Variants in SAMSN1 observed in about 807,000 individuals in gnomAD.
SAMSN1 encodes SAM domain, SH3 domain and nuclear localization signals 1, also known as SAM domain-containing protein SAMSN-1.
A neutral mutation model predicts 42.0 loss-of-function variants in SAMSN1; 31 were observed. The ratio of observed to expected loss-of-function variants is 0.74; its 90% CI spans 0.55 to 1.00. The LOEUF is 1.00. SAMSN1 is among the 50% of genes least tolerant of loss of function. The pLI is 0.00. For missense variants in SAMSN1, 464 were observed against 439.4 expected (o/e 1.06, Z -0.50); for synonymous variants, 178 against 151.9 (o/e 1.17, Z -1.26).
intron 1 of SAMSN1, among the ~76,000 whole-genome samples, chr21:14,538,132 G>GT (rs1979752887): frequency 6.6e-6 from 1 of 152,092 alleles, no homozygotes; most frequent in African/African-American, 2.4e-5. Context: ...GTTTTGTTTT[G>GT]TTTTTGGAGC....
At chr21:14,601,776 C>G (rs1982438028) in intron 6 of SAMSN1, among the ~76,000 whole-genome samples, 1 of 152,140 alleles carries the variant, frequency 6.6e-6, no homozygotes, top group Non-Finnish European at 1.5e-5. Flanking sequence ...AGTTACTTAT[C>G]AAAAGGCTGT....
intron 2 of SAMSN1, among the ~76,000 whole-genome samples, chr21:14,579,223 C>T (rs1488119220): frequency 6.6e-6 from 1 of 152,200 alleles, no homozygotes; most frequent in Non-Finnish European, 1.5e-5. Flanking sequence ...AACCCTCTCT[C>T]CAAGTCCACT....
At chr21:14,566,250 AGTGTT>A (rs1448809281) in intron 2 of SAMSN1, among the ~76,000 whole-genome samples, 4 of 152,210 alleles carry the variant, frequency 2.6e-5, no homozygotes, top group Non-Finnish European at 5.9e-5. Flanking sequence ...AGGATATCCA[AGTGTT>A]GCAAGACCAT....
At chr21:14,637,169 A>T (rs1983489541) in intron 2 of SAMSN1, among the ~76,000 whole-genome samples, 1 of 152,190 alleles carries the variant, frequency 6.6e-6, no homozygotes, top group African/African-American at 2.4e-5. Context: ...ATTTTAATTT[A>T]ATTTAATTTT....
chr21:14,583,475 C>T, upstream of SAMSN1: 1 of 549,032 alleles, frequency 1.8e-6, no homozygotes, highest in Non-Finnish European at 3.2e-6. Context: ...TGCATAAATA[C>T]GGGGTAAAAT....
intron 3 of SAMSN1, among the ~76,000 whole-genome samples, chr21:14,515,217 G>A (rs1987857350): frequency 6.6e-6 from 1 of 152,178 alleles, no homozygotes. Flanking sequence ...TTTTAATGGA[G>A]TACTGGAGAC....
At chr21:14,505,737 G>A (rs539573333) in intron 5 of SAMSN1, among the ~76,000 whole-genome samples, 45 of 152,116 alleles carry the variant, frequency 3.0e-4, no homozygotes, top group African/African-American at 1.1e-3. Flanking sequence ...ATTATACCCT[G>A]GAACAAATAG....
intron 1 of SAMSN1, among the ~76,000 whole-genome samples, chr21:14,527,378 T>C (rs201032088): frequency 6.6e-6 from 1 of 152,186 alleles, no homozygotes; most frequent in East Asian, 1.9e-4. Context: ...GTGGTACCAG[T>C]GGAATACACT....
chr21:14,607,391 G>A (rs1982594903), intron 5 of SAMSN1, among the ~76,000 whole-genome samples: 1 of 152,214 alleles, frequency 6.6e-6, no homozygotes, highest in Non-Finnish European at 1.5e-5. Context: ...CCTACAACTT[G>A]TGGTCTTGAA....
intron 5 of SAMSN1, among the ~76,000 whole-genome samples, chr21:14,502,826 G>A (rs1361517686): frequency 2.0e-5 from 3 of 152,108 alleles, no homozygotes; most frequent in Non-Finnish European, 4.4e-5. Context: ...TGATTTAATA[G>A]CATGGAAGGG....
chr21:14,617,257 G>A (rs1027959066), intron 2 of SAMSN1, among the ~76,000 whole-genome samples: 1 of 152,132 alleles, frequency 6.6e-6, no homozygotes, highest in Non-Finnish European at 1.5e-5. Context: ...TGGTCAGATG[G>A]ACCACTCCTT....
At chr21:14,623,846 C>T (rs1983087669) in intron 2 of SAMSN1, among the ~76,000 whole-genome samples, 1 of 152,196 alleles carries the variant, frequency 6.6e-6, no homozygotes, top group Admixed American at 6.5e-5. Context: ...CCACACCACA[C>T]CTATTCCAAA....
intron 2 of SAMSN1, among the ~76,000 whole-genome samples, chr21:14,565,160 G>A (rs1311661652): frequency 6.6e-6 from 1 of 151,866 alleles, no homozygotes; most frequent in Non-Finnish European, 1.5e-5. Context: ...GCCGGGCATG[G>A]TGGCATGTAC....
At chr21:14,577,238 G>GTATATATA (rs767931839) in intron 2 of SAMSN1, among the ~76,000 whole-genome samples, 440 of 28,046 alleles carry the variant, frequency 0.016, 11 homozygotes, top group Non-Finnish European at 0.021. Context: ...ATATATGTGT[G>GTATATATA]TATATATATA....
rs542549216 is a variant in SAMSN1, at chr21:14,623,979, A to G, written c.157-7963T>C. On this transcript the variant is annotated intron_variant, in intron 2 of 15. Coordinates refer to the SAMSN1 transcript ENST00000647101. ...AACTCAGGATTAAGAAACTCACTCAAAACTGCTCAACTACATGGAAACTGA... is the reference window on the plus strand; with the variant it reads ...AACTCAGGATTAAGAAACTCACTCAGAACTGCTCAACTACATGGAAACTGA... Among the ~76,000 whole-genome samples the G allele has an allele frequency of 5.4e-4, 83 of 152,346 alleles. 4 individuals are homozygous for G. In the South Asian group the frequency reaches 0.016, roughly 29 times the overall value.
intron 2 of SAMSN1, chr21:14,642,998 T>C (rs1305649948): frequency 1.4e-6 from 1 of 717,032 alleles, no homozygotes; most frequent in Non-Finnish European, 2.6e-6. Flanking sequence ...AATGCTTCAC[T>C]CACCACGAAG....
chr21:14,580,562 A>G (rs920012873), intron 2 of SAMSN1, among the ~76,000 whole-genome samples: 13 of 152,208 alleles, frequency 8.5e-5, no homozygotes, highest in African/African-American at 3.1e-4. Context: ...CAGTCCCAGA[A>G]AAGAAGATGA....
At chr21:14,567,308 A>G (rs987823946) in intron 2 of SAMSN1, among the ~76,000 whole-genome samples, 2 of 151,874 alleles carry the variant, frequency 1.3e-5, no homozygotes, top group Admixed American at 6.6e-5. Flanking sequence ...TGAAAAAAAA[A>G]AAAACACAAA....
rs554735192 is a variant in SAMSN1, at chr21:14,643,242, T to C, written c.25-109A>G. 6.6e-5 allele frequency: 41 copies of C among 619,640 alleles called. 1 individual carries two copies. Among genetic ancestry groups the C allele is most frequent in the Admixed American group, 5.3e-5 (2 of 37,810 alleles). The allele number at this position is 619,640 out of a possible 1,614,324, so 38.4% of individuals were successfully genotyped here. A position where few individuals can be genotyped will look rare whatever the true frequency, so the allele number is the denominator to read the frequency against. ...ATATAGTACTTTATTTAAATTATCCTGGGCATAGGGATTAAGAGTTTACAG... is the reference window on the plus strand; with the variant it reads ...ATATAGTACTTTATTTAAATTATCCCGGGCATAGGGATTAAGAGTTTACAG... On this transcript the variant is annotated intron_variant, in intron 1 of 15. Coordinates refer to the SAMSN1 transcript ENST00000647101.
Sources: gnomAD v4.1 joint callset for allele counts (sites outside exome capture counted in the v4.1 genomes callset) on GRCh38, gnomAD v4.1.1 for gene constraint, MANE v1.5 for transcripts, NCBI Gene and HGNC (gene_info 2026-07-23, HGNC 2026-07-21) for gene names.